The following RNLS variants were observed in gnomAD, a reference collection of about 807,000 sequenced individuals.
RNLS encodes renalase, FAD dependent amine oxidase.
Under a neutral mutation model 39.8 loss-of-function variants are expected in RNLS, and 39 were observed. The observed-to-expected ratio is 0.98, with a 90% CI of 0.76 to 1.28. RNLS has a LOEUF of 1.28. RNLS is among the 50% of genes most tolerant of loss of function. The pLI, the probability that RNLS is intolerant of heterozygous loss-of-function variation, is 0.00. For missense variants in RNLS, 410 were observed against 413.3 expected (o/e 0.99, Z 0.07); for synonymous variants, 147 against 150.7 (o/e 0.98, Z 0.18).
chr10:88,461,704 G>A (rs1842939939), intron 4 of RNLS, among the ~76,000 whole-genome samples: 1 of 152,006 alleles, frequency 6.6e-6, no homozygotes, highest in Admixed American at 6.6e-5. Context: ...TAAATGCTAG[G>A]AATATACCAA....
intron 4 of RNLS, among the ~76,000 whole-genome samples, chr10:88,504,185 A>G (rs1297841352): frequency 2.0e-5 from 3 of 152,144 alleles, no homozygotes; most frequent in African/African-American, 7.2e-5. Context: ...TACTTAGATT[A>G]CTTATAACAG....
intron 4 of RNLS, among the ~76,000 whole-genome samples, chr10:88,377,446 A>C (rs1793200485): frequency 6.6e-6 from 1 of 152,186 alleles, no homozygotes; most frequent in African/African-American, 2.4e-5. Flanking sequence ...TATCATAGAG[A>C]GTACTTACAC....
chr10:88,380,393 G>A (rs1271388180), intron 4 of RNLS, among the ~76,000 whole-genome samples: 1 of 92,470 alleles, frequency 1.1e-5, no homozygotes, highest in Non-Finnish European at 2.0e-5. Context: ...TTTTTTTTGA[G>A]ACGACGGAGT....
intron 4 of RNLS, among the ~76,000 whole-genome samples, chr10:88,407,160 T>C (rs1853329594): frequency 6.6e-6 from 1 of 152,000 alleles, no homozygotes; most frequent in Non-Finnish European, 1.5e-5. Flanking sequence ...AACTTACTCA[T>C]GTAACCAAAT....
chr10:88,284,018 A>T, downstream of RNLS: 1 of 526,498 alleles, frequency 1.9e-6, no homozygotes, highest in Non-Finnish European at 2.4e-6. Context: ...ATAACAAAAA[A>T]TCACTATTTT....
chr10:88,428,407 A>G (rs1854937190), intron 4 of RNLS, among the ~76,000 whole-genome samples: 1 of 151,794 alleles, frequency 6.6e-6, no homozygotes, highest in Non-Finnish European at 1.5e-5. Flanking sequence ...GCTGGTCTAA[A>G]TTTGATTCTG....
chr10:88,517,014 G>C (rs1255172010), intron 4 of RNLS, among the ~76,000 whole-genome samples: 1 of 151,932 alleles, frequency 6.6e-6, no homozygotes. Context: ...GAACTGTGTG[G>C]AATTATATTC....
intron 4 of RNLS, among the ~76,000 whole-genome samples, chr10:88,530,196 C>T (rs1179013845): frequency 1.3e-5 from 2 of 152,148 alleles, no homozygotes; most frequent in Non-Finnish European, 2.9e-5. Context: ...GTAATAATAA[C>T]GTCCCTTCCT....
At chr10:88,184,658 C>T in the RNLS span, among the ~76,000 whole-genome samples, 1 of 152,076 alleles carries the variant, frequency 6.6e-6, no homozygotes, top group African/African-American at 2.4e-5. Context: ...AAATAGGTCA[C>T]CTGAGCAACA....
At chr10:88,535,976 A>C (rs568959736) in intron 4 of RNLS, among the ~76,000 whole-genome samples, 6 of 152,340 alleles carry the variant, frequency 3.9e-5, no homozygotes, top group Admixed American at 1.3e-4. Flanking sequence ...CCTCCATCTC[A>C]GTAAAATAAA....
chr10:88,569,837 AAAAAAATAAAAAAT>A lies in RNLS; in HGVS notation c.526+3052_526+3065del, dbSNP rs1456387916. On this transcript the variant is annotated intron_variant, in intron 4 of 6. Coordinates refer to ENST00000331772, the MANE Select transcript of RNLS (RefSeq NM_001031709.3). Reference sequence around the variant, plus strand: ...TACCTCCAAACCTAAAATAAAAGCTAAAAAAATAAAAAATAAAAAATAAAGATTATATCATAGTA... The same window carrying A: ...TACCTCCAAACCTAAAATAAAAGCTAAAAAAATAAAGATTATATCATAGTA... 5.3e-5 allele frequency among the ~76,000 whole-genome samples: 8 copies of A among 152,196 alleles called. No homozygotes were observed. The South Asian group carries it at 1.7e-3, about 31-fold the overall frequency.
chr10:88,368,972 A>G (rs1275234894), intron 4 of RNLS, among the ~76,000 whole-genome samples: 1 of 152,028 alleles, frequency 6.6e-6, no homozygotes, highest in Non-Finnish European at 1.5e-5. Context: ...GTTCTAATAT[A>G]GTAAGACTAA....
Position 88,527,818 on chromosome 10 carries a change from A to T in RNLS, c.526+45085T>A, listed in dbSNP as rs1242664522. On this transcript the variant is annotated intron_variant, in intron 4 of 6. Coordinates refer to ENST00000331772, the MANE Select transcript of RNLS (RefSeq NM_001031709.3). ...AAAGACTCAACTAAGCCAAAAAAGG[A>T]ATTGAAAGAAAAGAAAGATAAAACT... Among the ~76,000 whole-genome samples, 3 of 152,134 alleles carry T rather than the reference A, an allele frequency of 2.0e-5. No homozygotes were observed. The East Asian group carries it at 5.8e-4, about 29-fold the overall frequency.
At chr10:88,339,682 G>A (rs1353331242) in intron 5 of RNLS, among the ~76,000 whole-genome samples, 2 of 152,186 alleles carry the variant, frequency 1.3e-5, no homozygotes, top group South Asian at 4.1e-4. Context: ...TTTAAAGATT[G>A]AGCAATGTTG....
At chr10:88,273,824 T>G (rs1190483613), downstream of RNLS, 2 of 151,436 alleles carry the variant, frequency 1.3e-5, no homozygotes, top group Non-Finnish European at 2.9e-5. Context: ...TAGAATTTAG[T>G]CATTCAAAAA....
chr10:88,235,232 C>T, the RNLS span, among the ~76,000 whole-genome samples: 2 of 126,410 alleles, frequency 1.6e-5, no homozygotes, highest in Non-Finnish European at 3.2e-5. Flanking sequence ...TGCGCCACTG[C>T]ACTCCAGCCT....
intron 4 of RNLS, among the ~76,000 whole-genome samples, chr10:88,554,662 A>C (rs1447915156): frequency 1.3e-5 from 2 of 151,958 alleles, no homozygotes; most frequent in Admixed American, 1.3e-4. Context: ...AGTATCATCT[A>C]TCTGTGTTGA....
chr10:88,206,241 G>A, the RNLS span, among the ~76,000 whole-genome samples: 1 of 152,178 alleles, frequency 6.6e-6, no homozygotes, highest in South Asian at 2.1e-4. Flanking sequence ...CATTTTAGTG[G>A]TGTCTGATTG....
intron 4 of RNLS, among the ~76,000 whole-genome samples, chr10:88,539,606 C>T (rs1420371993): frequency 6.6e-6 from 1 of 152,094 alleles, no homozygotes; most frequent in Non-Finnish European, 1.5e-5. Flanking sequence ...TTATCCATAG[C>T]ATCTCATGCA....
Sources: allele counts gnomAD v4.1 joint callset (sites outside exome capture counted in the v4.1 genomes callset), GRCh38; gene constraint gnomAD v4.1.1; transcripts MANE v1.5; gene names NCBI Gene and HGNC (gene_info 2026-07-23, HGNC 2026-07-21).